The following PLBD2 variants were observed in gnomAD, a reference collection of about 807,000 sequenced individuals.
PLBD2 encodes phospholipase B domain containing 2, also known as putative aminopeptidase PLBD2.
Under a neutral mutation model 68.3 loss-of-function variants are expected in PLBD2, and 51 were observed. The ratio of observed to expected loss-of-function variants is 0.75; its 90% confidence interval spans 0.60 to 0.94. The LOEUF (loss-of-function observed/expected upper bound fraction) is 0.94. Ranked by LOEUF, PLBD2 falls within the 40% of genes least tolerant of loss-of-function variation. PLBD2 has a pLI of 0.00. For synonymous variants in PLBD2, 314 were observed against 339.3 expected (o/e 0.93, Z 0.82); for missense variants, 729 against 792.2 (o/e 0.92, Z 0.96).
intron 2 of PLBD2, among the ~76,000 whole-genome samples, chr12:113,370,670 G>A (rs1347116747): frequency 7.3e-5 from 11 of 150,728 alleles, no homozygotes; most frequent in African/African-American, 2.7e-4. Context: ...TAGAGATGGG[G>A]TTTTGCCATG....
chr12:113,382,460 A>G (rs1418384260), intron 6 of PLBD2, among the ~76,000 whole-genome samples: 1 of 151,378 alleles, frequency 6.6e-6, no homozygotes, highest in Non-Finnish European at 1.5e-5. Context: ...TTTTTTTTTC[A>G]GAGATAGGAT....
rs541777389 is a variant in PLBD2, at chr12:113,372,075, A to T, written c.385-574A>T. Among the ~76,000 whole-genome samples the T allele has an allele frequency of 1.3e-5, 2 of 152,210 alleles. No individual in the cohort carries two copies. Among genetic ancestry groups the T allele is most frequent in the South Asian group, 4.1e-4 (2 of 4,826 alleles). ...TTGGATGTGTTTCAGTGAGATGGTGATGGAGCAGCAGTCATGAAGCCATCA... is the reference window on the plus strand; with the variant it reads ...TTGGATGTGTTTCAGTGAGATGGTGTTGGAGCAGCAGTCATGAAGCCATCA... On this transcript the variant is annotated intron_variant, in intron 2 of 11. Transcript: ENST00000280800. The surrounding 1 kb of genome is among the most constrained non-coding windows in gnomAD (Gnocchi z 4.2).
intron 1 of PLBD2, among the ~76,000 whole-genome samples, chr12:113,360,252 A>G (rs890794400): frequency 6.6e-6 from 1 of 151,644 alleles, no homozygotes; most frequent in Admixed American, 6.6e-5. Context: ...TGTGGAGGGA[A>G]CTGAAGCTTT....
At chr12:113,382,477 C>G (rs1957500588) in intron 6 of PLBD2, among the ~76,000 whole-genome samples, 1 of 151,966 alleles carries the variant, frequency 6.6e-6, no homozygotes, top group Non-Finnish European at 1.5e-5. Flanking sequence ...GGATCTCACA[C>G]TGTCATGCAG....
At chr12:113,367,761 A>G (rs553598865) in intron 1 of PLBD2, among the ~76,000 whole-genome samples, 25 of 151,440 alleles carry the variant, frequency 1.7e-4, no homozygotes, top group South Asian at 4.2e-4. Context: ...AAAAAAAAAA[A>G]AAAAGAAAAA....
rs952288810 is a variant in PLBD2 at position 113,358,612 on chromosome 12, G to T, written c.12G>T (p.Gln4His). 4 of 1,470,724 alleles carry T rather than the reference G, an allele frequency of 2.7e-6. No homozygotes were observed. The African/African-American group carries it at 5.9e-5, about 22-fold the overall frequency. The allele number at this position is 1,470,724 out of a possible 1,614,324, so 91.1% of individuals were successfully genotyped here. The change falls in exon 1 of 12, where the codon CAG (glutamine) becomes CAT (histidine). Residue 4 changes from glutamine to histidine, a missense_variant. Coordinates refer to ENST00000280800, the MANE Select transcript of PLBD2 (RefSeq NM_173542.4). MVG[Q>H]MYCYPGSHLA... ...AGCATTGTGCGGTCATGGTGGGCCA[G>T]ATGTACTGCTACCCCGGCAGCCACC...
intron 8 of PLBD2, 48 bp from the exon 9 acceptor site, chr12:113,385,164 G>C (rs1386788851): frequency 6.3e-7 from 1 of 1,594,086 alleles, no homozygotes; most frequent in East Asian, 2.2e-5. Context: ...GTGCCCACAG[G>C]AGCCCCTTTT....
At position 113,385,212 on chromosome 12, in the gene PLBD2, C is replaced by T. The variant is rs745644781; in HGVS notation, c.1215C>T (p.Pro405=). ...ACCCCATCTCTCTTCTCGGTCTCAG[C>T]GGCATGGTGGTGGTGGCTGACAAGA... ...SRVLTILEQI[P]GMVVVADKTS... Residue 405 remains proline, a splice_region_variant and synonymous_variant, in exon 9 of 12, where the codon CCC becomes CCT. Transcript: ENST00000280800. The T allele has an allele frequency of 1.5e-5, 24 of 1,614,108 alleles. No individual in the cohort carries two copies. The highest frequency in any genetic ancestry group is 3.3e-4 in the Middle Eastern group (2 of 6,060).
At position 113,375,097 on chromosome 12, in the gene PLBD2, C is replaced by T. The variant is rs1447614700; in HGVS notation, c.859+90C>T. The T allele has an allele frequency of 1.3e-5, 15 of 1,194,580 alleles. No homozygotes were observed. The African/African-American group carries it at 2.3e-4, about 18-fold the overall frequency. 74.0% of individuals were successfully genotyped at this position (1,194,580 alleles called of 1,614,324 possible). On this transcript the variant is annotated intron_variant, in intron 5 of 11. Coordinates refer to ENST00000280800, the MANE Select transcript of PLBD2 (RefSeq NM_173542.4). The stretch of plus-strand genomic sequence containing the variant: ...CTAGGAGGTTTGGGCCTTGGAAACC[C>T]TCCCAACACACGGAGTCACTGCAGG...
intron 2 of PLBD2, among the ~76,000 whole-genome samples, chr12:113,371,970 A>G (rs767244896): frequency 6.6e-6 from 1 of 152,212 alleles, no homozygotes; most frequent in African/African-American, 2.4e-5. Context: ...TAGGACAGGC[A>G]GTGGGGAAAT....
chr12:113,370,017 A>C (rs1957374938), intron 2 of PLBD2, among the ~76,000 whole-genome samples: 1 of 151,572 alleles, frequency 6.6e-6, no homozygotes, highest in Non-Finnish European at 1.5e-5. Flanking sequence ...TTCCTGCCTC[A>C]GCCTTCCGAC....
chr12:113,368,727 G>T (rs1957362549), intron 1 of PLBD2, among the ~76,000 whole-genome samples: 1 of 152,104 alleles, frequency 6.6e-6, no homozygotes, highest in Non-Finnish European at 1.5e-5. Flanking sequence ...GGACAAGATG[G>T]GGACGTGCCC....
rs1957529908 is a variant in PLBD2, at chr12:113,384,514, A to G, written c.1118+249A>G. On this transcript the variant is annotated intron_variant, in intron 7 of 11. Coordinates refer to ENST00000280800, the MANE Select transcript of PLBD2 (RefSeq NM_173542.4). The surrounding 1 kb of genome is among the most constrained non-coding windows in gnomAD (Gnocchi z 4.2). Reference sequence around the variant, plus strand: ...GAGCACTTGGAACCTGAAGACTCTCAAGGGGACAGTGGGGAGGGCTGTTTG... The same window carrying G: ...GAGCACTTGGAACCTGAAGACTCTCGAGGGGACAGTGGGGAGGGCTGTTTG... Among the ~76,000 whole-genome samples, 1 of 152,108 alleles carries G rather than the reference A, an allele frequency of 6.6e-6. No homozygotes were observed. The highest frequency in any genetic ancestry group is 2.1e-4 in the South Asian group (1 of 4,822).
At position 113,387,751 on chromosome 12, in the gene PLBD2, G is replaced by T. The variant is rs200223971; in HGVS notation, c.1447G>T (p.Asp483Tyr). ...DSMVRLMRYN[D>Y]FLHDPLSLCK... is the part of the protein sequence containing the mutation. ...CTCCTTTTCCCCATCCAGGTACAAT[G>T]ACTTCCTCCATGACCCTCTGTCACT... The change falls in exon 11 of 12, where the codon GAC becomes TAC. Residue 483 changes from aspartate to tyrosine, a missense_variant. By Grantham distance (160) the Asp-to-Tyr change is radical. Transcript: ENST00000280800. The T allele has an allele frequency of 1.9e-6, 3 of 1,613,840 alleles. No individual in the cohort carries two copies. Among genetic ancestry groups the T allele is most frequent in the Admixed American group, 3.3e-5 (2 of 60,010 alleles).
At chr12:113,386,847 C>T in intron 9 of PLBD2, 90 bp from the exon 10 acceptor site, 1 of 1,476,242 alleles carries the variant, frequency 6.8e-7, no homozygotes, top group Non-Finnish European at 9.2e-7. Context: ...GTAATAATGT[C>T]CTGGTGTGAC....
In PLBD2 at chr12:113,384,808, T is replaced by G; in HGVS notation, c.1119-43T>G. The G allele has an allele frequency of 6.5e-7, 1 of 1,542,654 alleles. No individual in the cohort carries two copies. Among genetic ancestry groups the G allele is most frequent in the South Asian group, 1.1e-5 (1 of 88,790 alleles). On this transcript the variant is annotated intron_variant, in intron 7 of 11. Transcript: ENST00000280800. The surrounding 1 kb of genome is among the most constrained non-coding windows in gnomAD (Gnocchi z 4.2). ...TGCAGGGTGGGGAAAGCTGGGGAGGTGGCTCCAGGCTCTGTTCAGTCCTCC... is the reference window on the plus strand; with the variant it reads ...TGCAGGGTGGGGAAAGCTGGGGAGGGGGCTCCAGGCTCTGTTCAGTCCTCC...
At chr12:113,363,088 G>A (rs1431521386) in intron 1 of PLBD2, among the ~76,000 whole-genome samples, 1 of 151,878 alleles carries the variant, frequency 6.6e-6, no homozygotes, top group African/African-American at 2.4e-5. Context: ...GAGCTATTGT[G>A]CCTGGCCGAA....
chr12:113,385,206 T>C lies in PLBD2; in HGVS notation c.1215-6T>C, dbSNP rs1957539181. 5 of 1,613,928 alleles carry C rather than the reference T, an allele frequency of 3.1e-6. No homozygotes were observed. Among genetic ancestry groups the C allele is most frequent in the Admixed American group, 1.7e-5 (1 of 59,984 alleles). On this transcript the variant is annotated splice_region_variant and splice_polypyrimidine_tract_variant and intron_variant, in intron 8 of 11. Coordinates refer to ENST00000280800, the MANE Select transcript of PLBD2 (RefSeq NM_173542.4). The stretch of plus-strand genomic sequence containing the variant: ...ACCTCCACCCCATCTCTCTTCTCGG[T>C]CTCAGCGGCATGGTGGTGGTGGCTG...
chr12:113,363,789 A>C (rs896592694), intron 1 of PLBD2, among the ~76,000 whole-genome samples: 9 of 152,132 alleles, frequency 5.9e-5, no homozygotes, highest in Non-Finnish European at 1.3e-4. Context: ...CACCCGCCTC[A>C]GCCTCCCAGA....
Sources: gnomAD v4.1 joint callset for allele counts (sites outside exome capture counted in the v4.1 genomes callset) on GRCh38, gnomAD v4.1.1 for gene constraint, Gnocchi (gnomAD v3.1) non-coding constraint, MANE v1.5 for transcripts, NCBI Gene and HGNC (gene_info 2026-07-23, HGNC 2026-07-21) for gene names.